Variants in AP2A1 observed in about 807,000 individuals in gnomAD.
AP2A1 encodes AP-2 complex subunit alpha-1.
AP2A1 carries 21 observed loss-of-function variants against 107.3 expected under a neutral mutation model. The ratio of observed to expected loss-of-function variants is 0.20; its 90% CI spans 0.14 to 0.28. AP2A1 has a LOEUF of 0.28. Among genes scored for constraint, AP2A1 ranks in the 10% least tolerant of loss-of-function variants. The pLI is 1.00. For synonymous variants in AP2A1, 602 were observed against 564.8 expected (o/e 1.07, Z -0.93); for missense variants, 873 against 1,307.7 (o/e 0.67, Z 5.13).
intron 15 of AP2A1, 80 bp from the exon 16 acceptor site, chr19:49,802,869 T>A (rs1378564083): frequency 2.7e-6 from 4 of 1,485,810 alleles, no homozygotes; most frequent in Non-Finnish European, 3.7e-6. Flanking sequence ...CCTTAGGGCT[T>A]GTTCTCGCAC....
chr19:49,782,312 C>T (rs1477500675), intron 3 of AP2A1, among the ~76,000 whole-genome samples: 7 of 148,254 alleles, frequency 4.7e-5, no homozygotes, highest in African/African-American at 1.8e-4. Context: ...GAAGCCCAGA[C>T]TCCTGGGTCT....
At chr19:49,803,632 C>G (rs1600245768) in intron 18 of AP2A1, 1 of 519,602 alleles carries the variant, frequency 1.9e-6, no homozygotes, top group Non-Finnish European at 3.5e-6. Flanking sequence ...TTGTCCCTGT[C>G]TGGCACCTTC....
Position 49,806,899 on chromosome 19 carries a change from T to TTG in AP2A1, c.*143_*144dup, listed in dbSNP as rs2073406565. ...ATGCCTGGGACTTTCCTCCGGCCTT[T>TTG]TGTATTTTTATTTTTGTTCATCTGC... On this transcript the variant is annotated 3_prime_UTR_variant, in exon 23 of 23. Transcript: ENST00000354293. 6.5e-7 allele frequency: 1 copy of TTG among 1,540,950 alleles called. No individual in the cohort carries two copies.
chr19:49,802,134 T>A lies in AP2A1; in HGVS notation c.2107T>A (p.Phe703Ile). Residue 703 changes from phenylalanine (F) to isoleucine (I), a missense_variant, in exon 15 of 23, where the codon TTC (phenylalanine) becomes ATC (isoleucine). Coordinates refer to ENST00000354293, the MANE Select transcript of AP2A1 (RefSeq NM_130787.3). ...PSLGPTPEEA[F>I]LSPGPEDIGP... ...CCTGGGGCCCACCCCCGAGGAGGCC[T>A]TCCTCAGGTAGCACCCCCTGGGCCC... 1 of 1,562,118 alleles carries A rather than the reference T, an allele frequency of 6.4e-7. No individual in the cohort carries two copies. Among genetic ancestry groups the A allele is most frequent in the Non-Finnish European group, 8.6e-7 (1 of 1,161,416 alleles).
Position 49,767,008 on chromosome 19 carries a change from A to C in AP2A1, c.-126A>C, listed in dbSNP as rs552527160. The C allele has an allele frequency of 2.1e-3, 1,087 of 516,310 alleles. 4 individuals carry two copies. Among genetic ancestry groups the C allele is most frequent in the East Asian group, 5.6e-3 (67 of 11,976 alleles). 32.0% of individuals were successfully genotyped at this position (516,310 alleles called of 1,614,324 possible). On this transcript the variant is annotated 5_prime_UTR_variant, in exon 1 of 23. Coordinates refer to ENST00000354293, the MANE Select transcript of AP2A1 (RefSeq NM_130787.3). ...CAGCCCGCCCGCCCGCCCGCCAGCC[A>C]GCCCTCCCCGCGGCCGGCTCGGCTC...
chr19:49,792,897 G>A, intron 5 of AP2A1, 94 bp from the exon 6 acceptor site: 1 of 1,091,742 alleles, frequency 9.2e-7, no homozygotes, highest in South Asian at 1.4e-5. Context: ...CTTCCCGACT[G>A]CACACACATC....
rs767193598 is a variant in AP2A1, at chr19:49,802,238, C to T, written c.2114+97C>T. The T allele has an allele frequency of 2.4e-4, 242 of 1,001,742 alleles. 2 individuals are homozygous for T. The highest frequency in any genetic ancestry group is 3.4e-4 in the Non-Finnish European group (225 of 659,192). The allele number at this position is 1,001,742 out of a possible 1,614,324, so 62.1% of individuals were successfully genotyped here. A position where few individuals can be genotyped will look rare whatever the true frequency, so the allele number is the denominator to read the frequency against. ...GTTTTCCCTGAGCCCCTCCCCCGCCCCCGACTCGCTCCTCTCTCCATCCTG... is the reference window on the plus strand; with the variant it reads ...GTTTTCCCTGAGCCCCTCCCCCGCCTCCGACTCGCTCCTCTCTCCATCCTG... On this transcript the variant is annotated intron_variant, in intron 15 of 22. Coordinates refer to ENST00000354293, the MANE Select transcript of AP2A1 (RefSeq NM_130787.3).
intron 7 of AP2A1, among the ~76,000 whole-genome samples, chr19:49,798,035 G>A (rs2073232618): frequency 6.6e-6 from 1 of 152,218 alleles, no homozygotes; most frequent in South Asian, 2.1e-4. Flanking sequence ...GGTGGCGACT[G>A]GGCTCATTGC....
chr19:49,790,352 T>C (rs1156747262), intron 4 of AP2A1, among the ~76,000 whole-genome samples: 2 of 152,192 alleles, frequency 1.3e-5, no homozygotes, highest in Admixed American at 6.6e-5. Flanking sequence ...TGTGATGACA[T>C]TGGGTCCACC....
At position 49,793,025 on chromosome 19, in the gene AP2A1, G is replaced by A; in HGVS notation, c.638G>A (p.Cys213Tyr). The change falls in exon 6 of 23, where the codon TGT becomes TAT. Residue 213 changes from cysteine to tyrosine, a missense_variant. Physicochemically the swap from Cys to Tyr is radical, Grantham distance 194. Around this residue, in one of 4 missense-constraint regions of AP2A1, gnomAD observed 157 missense variants for 212.6 expected, o/e 0.74. Coordinates refer to ENST00000354293, the MANE Select transcript of AP2A1 (RefSeq NM_130787.3). ...VVTAAVSLIT[C>Y]LCKKNPDDFK... ...ACGGCCGCCGTCAGCCTCATCACCT[G>A]TCTCTGCAAGAAGAACCCAGATGAC... is the stretch of plus-strand genomic sequence containing the variant. 2 of 1,610,152 alleles carry A rather than the reference G, an allele frequency of 1.2e-6. No homozygotes were observed. Among genetic ancestry groups the A allele is most frequent in the Non-Finnish European group, 1.7e-6 (2 of 1,178,300 alleles).
At chr19:49,781,684 G>T in intron 1 of AP2A1, 73 bp from the exon 2 acceptor site, 1 of 1,456,350 alleles carries the variant, frequency 6.9e-7, no homozygotes, top group Non-Finnish European at 9.4e-7. Context: ...GGGTGGGGCC[G>T]CGCCTAGGAA....
intron 14 of AP2A1, 37 bp from the exon 15 acceptor site, chr19:49,801,944 C>A: frequency 6.9e-7 from 1 of 1,458,438 alleles, no homozygotes; most frequent in Non-Finnish European, 9.0e-7. Context: ...TCCTGCCGGG[C>A]GCCGCCTGTC....
chr19:49,805,091 G>T, intron 18 of AP2A1: 1 of 211,788 alleles, frequency 4.7e-6, no homozygotes, highest in East Asian at 1.0e-4. Flanking sequence ...GTAGAGATGG[G>T]GTCTTGCCAT....
At position 49,801,075 on chromosome 19, in the gene AP2A1, C is replaced by G. The variant is rs552024338; in HGVS notation, c.1553+17C>G. The G allele has an allele frequency of 6.3e-7, 1 of 1,587,330 alleles. No homozygotes were observed. The highest frequency in any genetic ancestry group is 8.6e-7 in the Non-Finnish European group (1 of 1,165,962). On this transcript the variant is annotated intron_variant, in intron 12 of 22. Transcript: ENST00000354293. Reference sequence around the variant, plus strand: ...CCGCTCCAGGTGAGGGAGCCTCAGCCTGCAGGGGAGAACACACATGCTTCT... The same window carrying G: ...CCGCTCCAGGTGAGGGAGCCTCAGCGTGCAGGGGAGAACACACATGCTTCT...
intron 4 of AP2A1, among the ~76,000 whole-genome samples, chr19:49,783,829 G>A (rs911194453): frequency 4.6e-5 from 7 of 152,182 alleles, no homozygotes; most frequent in Non-Finnish European, 1.0e-4. Flanking sequence ...AAACCCCCTT[G>A]GGGACTATGA....
At chr19:49,775,263 ATTCAT>A (rs1221956453) in intron 1 of AP2A1, among the ~76,000 whole-genome samples, 1 of 152,112 alleles carries the variant, frequency 6.6e-6, no homozygotes, top group African/African-American at 2.4e-5. Flanking sequence ...AATCAGTGAA[ATTCAT>A]TTTAATATAT....
rs984889942 is a variant in AP2A1 at position 49,788,984 on chromosome 19, G to A, written c.474-2951G>A. ...CTCCAGAGGGCCTGTCCCTGTGTCCGCCTCCAGCTGCAGCACACGAGGGTT... is the reference window on the plus strand; with the variant it reads ...CTCCAGAGGGCCTGTCCCTGTGTCCACCTCCAGCTGCAGCACACGAGGGTT... On this transcript the variant is annotated intron_variant, in intron 4 of 22. Coordinates refer to ENST00000354293, the MANE Select transcript of AP2A1 (RefSeq NM_130787.3). The surrounding 1 kb of genome is among the most constrained non-coding windows in gnomAD (Gnocchi z 4.5). 2.0e-5 allele frequency among the ~76,000 whole-genome samples: 3 copies of A among 152,192 alleles called. No individual in the cohort carries two copies. Among genetic ancestry groups the A allele is most frequent in the African/African-American group, 4.8e-5 (2 of 41,446 alleles).
chr19:49,778,136 C>T (rs892598483), intron 1 of AP2A1, among the ~76,000 whole-genome samples: 2 of 152,138 alleles, frequency 1.3e-5, no homozygotes, highest in African/African-American at 2.4e-5. Context: ...TGAATACACT[C>T]GTGTATTAAC....
intron 11 of AP2A1, 24 bp downstream of exon 11, chr19:49,800,174 T>G: frequency 6.3e-7 from 1 of 1,591,916 alleles, no homozygotes; most frequent in Non-Finnish European, 8.6e-7. Context: ...ACCCTGACCC[T>G]ATGACCCCAC....
Sources: gnomAD v4.1 joint callset for allele counts (sites outside exome capture counted in the v4.1 genomes callset) on GRCh38, gnomAD v4.1.1 for gene constraint, gnomAD v4.1.1 regional missense constraint, Gnocchi (gnomAD v3.1) non-coding constraint, MANE v1.5 for transcripts, NCBI Gene and HGNC (gene_info 2026-07-23, HGNC 2026-07-21) for gene names.